Variants in DACH1 observed in about 807,000 individuals in gnomAD.
DACH1 encodes the protein dachshund family transcription factor 1.
In DACH1, 12 loss-of-function variants were observed where a neutral mutation model predicts 54.2. The observed-to-expected ratio is 0.22, with a 90% confidence interval of 0.14 to 0.36. The LOEUF is 0.36. Among genes scored for constraint, DACH1 ranks in the 10% least tolerant of loss-of-function variants. The probability of loss-of-function intolerance (pLI) is 1.00; values close to 1 mark genes in which losing one functional copy is unlikely to be tolerated. For synonymous variants in DACH1, 386 were observed against 366.2 expected (o/e 1.05, Z -0.62); for missense variants, 805 against 929.8 (o/e 0.87, Z 1.75).
intron 6 of DACH1, among the ~76,000 whole-genome samples, chr13:71,508,570 A>T (rs1431152832): frequency 6.6e-6 from 1 of 151,916 alleles, no homozygotes; most frequent in Non-Finnish European, 1.5e-5. Context: ...AGGCTCAAGC[A>T]GTCCTCCCAC....
At chr13:71,691,937 G>C (rs1211460628) in intron 1 of DACH1, among the ~76,000 whole-genome samples, 2 of 151,634 alleles carry the variant, frequency 1.3e-5, no homozygotes, top group African/African-American at 4.8e-5. Context: ...GTATGAGCAA[G>C]CAGGAGTTTG....
At chr13:71,757,637 C>T (rs906119008) in intron 1 of DACH1, among the ~76,000 whole-genome samples, 1 of 151,688 alleles carries the variant, frequency 6.6e-6, no homozygotes, top group Non-Finnish European at 1.5e-5. Flanking sequence ...GATGCTCCAG[C>T]CTCAACCTCC....
intron 3 of DACH1, among the ~76,000 whole-genome samples, chr13:71,594,107 AT>A (rs1465823032): frequency 6.6e-6 from 1 of 151,380 alleles, no homozygotes; most frequent in Non-Finnish European, 1.5e-5. Context: ...AGACATAAAC[AT>A]TGAACTTATT....
rs138369758 is a variant in DACH1 at position 71,679,591 on chromosome 13, TA to T, written c.964+2203del. On this transcript the variant is annotated intron_variant, in intron 2 of 10. Coordinates refer to ENST00000613252, the MANE Select transcript of DACH1 (RefSeq NM_080759.6). The stretch of plus-strand genomic sequence containing the variant: ...AAAAATGATTATTAAAATGGTTATT[TA>T]AAAAAAAAACATCAGAAACATGGTT... Among the ~76,000 whole-genome samples the T allele has an allele frequency of 5.6e-3, 842 of 149,532 alleles. 7 individuals carry two copies. The highest frequency in any genetic ancestry group is 0.019 in the African/African-American group (783 of 40,982).
At chr13:71,763,191 T>C (rs536748761) in intron 1 of DACH1, among the ~76,000 whole-genome samples, 1 of 152,332 alleles carries the variant, frequency 6.6e-6, no homozygotes, top group African/African-American at 2.4e-5. Context: ...AAGTAAGTAT[T>C]ATATGTTTAT....
At chr13:71,734,138 A>G (rs1159074416) in intron 1 of DACH1, among the ~76,000 whole-genome samples, 1 of 149,026 alleles carries the variant, frequency 6.7e-6, no homozygotes. Context: ...TATATACCCC[A>G]TATATATGTA....
intron 1 of DACH1, among the ~76,000 whole-genome samples, chr13:71,779,788 C>T (rs1349749890): frequency 6.6e-6 from 1 of 152,022 alleles, no homozygotes; most frequent in Non-Finnish European, 1.5e-5. Flanking sequence ...CCTTCCCATC[C>T]CTGGCCACCT....
At chr13:71,794,285 T>G (rs190278249) in intron 1 of DACH1, among the ~76,000 whole-genome samples, 22 of 152,286 alleles carry the variant, frequency 1.4e-4, no homozygotes, top group African/African-American at 4.8e-4. Flanking sequence ...ATATGTATAG[T>G]TATTCACAAT....
rs190002751 is a variant in DACH1, at chr13:71,555,706, C to A, written c.1570+1318G>T. 2.5e-4 allele frequency among the ~76,000 whole-genome samples: 38 copies of A among 151,878 alleles called. 1 individual carries two copies. In the East Asian group the frequency reaches 7.0e-3, roughly 28 times the overall value. On this transcript the variant is annotated intron_variant, in intron 6 of 10. Transcript: ENST00000613252. ...TTTATTAAATATCAAAAGTATAGGT[C>A]AAAATAAATATGATGGATAATATAC...
At chr13:71,577,228 C>T (rs764016546) in intron 3 of DACH1, among the ~76,000 whole-genome samples, 5 of 152,106 alleles carry the variant, frequency 3.3e-5, no homozygotes, top group African/African-American at 1.2e-4. Context: ...TTACCACCAC[C>T]TCCAACCCCT....
intron 1 of DACH1, among the ~76,000 whole-genome samples, chr13:71,716,898 T>C (rs1048467338): frequency 6.6e-5 from 10 of 152,182 alleles, no homozygotes; most frequent in Admixed American, 1.3e-4. Context: ...ACATGTGCCA[T>C]GGTGGTTTGC....
chr13:71,560,030 T>G, intron 4 of DACH1, 75 bp from the exon 5 acceptor site: 1 of 1,390,892 alleles, frequency 7.2e-7, no homozygotes, highest in Non-Finnish European at 9.5e-7. Context: ...GAATGTTGTT[T>G]TTTCTCAATA....
chr13:71,561,792 CT>C (rs1311495186), intron 4 of DACH1, among the ~76,000 whole-genome samples: 1 of 152,050 alleles, frequency 6.6e-6, no homozygotes, highest in Non-Finnish European at 1.5e-5. Context: ...TTGTCACACT[CT>C]TTTAATTTTT....
intron 3 of DACH1, among the ~76,000 whole-genome samples, chr13:71,577,747 AAG>A: frequency 6.6e-6 from 1 of 152,206 alleles, no homozygotes; most frequent in Non-Finnish European, 1.5e-5. Flanking sequence ...AATAAAGGGA[AAG>A]AATAAACAGA....
chr13:71,529,364 T>G (rs2138301773), intron 6 of DACH1, among the ~76,000 whole-genome samples: 1 of 152,050 alleles, frequency 6.6e-6, no homozygotes, highest in East Asian at 1.9e-4. Flanking sequence ...TTTTTGTATT[T>G]TTAGTAGAAA....
chr13:71,725,588 C>T (rs1224284158), intron 1 of DACH1, among the ~76,000 whole-genome samples: 1 of 151,806 alleles, frequency 6.6e-6, no homozygotes, highest in East Asian at 1.9e-4. Context: ...AATTATATTG[C>T]CATTTTATGT....
chr13:71,461,958 T>C (rs1876112895), intron 10 of DACH1, among the ~76,000 whole-genome samples: 2 of 151,904 alleles, frequency 1.3e-5, no homozygotes, highest in South Asian at 2.1e-4. Context: ...TAAACCAGGG[T>C]ATGAAATCAA....
intron 1 of DACH1, among the ~76,000 whole-genome samples, chr13:71,718,199 GAC>G (rs1209075996): frequency 2.0e-5 from 3 of 152,008 alleles, no homozygotes; most frequent in African/African-American, 7.3e-5. Context: ...CCAAATAAAA[GAC>G]AGATTAAATT....
At chr13:71,674,230 GTGACT>G (rs771903281) in intron 2 of DACH1, among the ~76,000 whole-genome samples, 9 of 152,094 alleles carry the variant, frequency 5.9e-5, no homozygotes, top group Admixed American at 2.0e-4. Flanking sequence ...ACTTAGCCTA[GTGACT>G]TGCTGGATGT....
Sources: allele counts gnomAD v4.1 joint callset (sites outside exome capture counted in the v4.1 genomes callset), GRCh38; gene constraint gnomAD v4.1.1; transcripts MANE v1.5; gene names NCBI Gene and HGNC (gene_info 2026-07-23, HGNC 2026-07-21).